SCMH1: variants seen among roughly 807,000 people sequenced by gnomAD.
The protein encoded by SCMH1 is polycomb protein SCMH1.
In SCMH1, 37 loss-of-function variants were observed where a neutral mutation model predicts 70.8. The ratio of observed to expected loss-of-function variants is 0.52; its 90% CI spans 0.40 to 0.69. SCMH1 has a LOEUF of 0.69. SCMH1 is among the 30% of genes least tolerant of loss of function. The probability of loss-of-function intolerance (pLI) is 0.00; values close to 1 mark genes in which losing one functional copy is unlikely to be tolerated. For synonymous variants in SCMH1, 292 were observed against 307.4 expected (o/e 0.95, Z 0.52); for missense variants, 607 against 827.3 (o/e 0.73, Z 3.27).
At chr1:41,027,969 AG>A in exon 15 of SCMH1, 1 of 563,808 alleles carries the variant, frequency 1.8e-6, no homozygotes, top group Non-Finnish European at 3.1e-6. Context: ...GGCAGAGCTG[AG>A]GGAAGAGCAG....
At chr1:41,073,963 A>G (rs940395945) in intron 9 of SCMH1, among the ~76,000 whole-genome samples, 3 of 152,238 alleles carry the variant, frequency 2.0e-5, no homozygotes, top group East Asian at 1.9e-4. Flanking sequence ...ACTGGAACTC[A>G]GGTATTCTTG....
At chr1:41,208,439 A>AAT (rs975080792) in intron 1 of SCMH1, among the ~76,000 whole-genome samples, 1 of 132,678 alleles carries the variant, frequency 7.5e-6, no homozygotes, top group Non-Finnish European at 1.8e-5. Flanking sequence ...AAAAATTAAA[A>AAT]AAAAAAAATA....
intron 8 of SCMH1, among the ~76,000 whole-genome samples, chr1:41,104,345 C>T (rs1028472484): frequency 4.6e-5 from 7 of 151,998 alleles, no homozygotes; most frequent in Admixed American, 2.6e-4. Flanking sequence ...TATATGCATA[C>T]GTGTGTTTAT....
chr1:41,209,309 C>T (rs1656417574), intron 1 of SCMH1, among the ~76,000 whole-genome samples: 1 of 152,194 alleles, frequency 6.6e-6, no homozygotes, highest in African/African-American at 2.4e-5. Context: ...TGGTACCATT[C>T]CTTCTGAAAC....
At chr1:41,079,094 A>G (rs1042567245) in intron 8 of SCMH1, among the ~76,000 whole-genome samples, 7 of 152,318 alleles carry the variant, frequency 4.6e-5, no homozygotes, top group Middle Eastern at 3.4e-3. Flanking sequence ...TGCATACGGC[A>G]ATTAATTAAA....
chr1:41,150,012 T>C (rs563225408), intron 5 of SCMH1, among the ~76,000 whole-genome samples: 188 of 152,296 alleles, frequency 1.2e-3, no homozygotes, highest in African/African-American at 4.4e-3. Flanking sequence ...CACCTTGGTT[T>C]CTCTGGACTC....
chr1:41,114,337 CA>C (rs1340646388), intron 7 of SCMH1, among the ~76,000 whole-genome samples: 2 of 152,092 alleles, frequency 1.3e-5, no homozygotes, highest in Non-Finnish European at 2.9e-5. Flanking sequence ...GATCAAGTTT[CA>C]AAAAATGTGT....
chr1:41,184,103 T>A (rs1278569385), intron 2 of SCMH1, among the ~76,000 whole-genome samples: 1 of 152,230 alleles, frequency 6.6e-6, no homozygotes, highest in East Asian at 1.9e-4. Context: ...TTCTGTGTTA[T>A]GTATACTTCT....
rs978109629 is a variant in SCMH1 at position 41,080,273 on chromosome 1, G to A, written c.746-4822C>T. ...CAAAGAAAATCCCAGGCCTAAACTG[G>A]CTTCACTGATGAATTCTAGCAAATA... On this transcript the variant is annotated intron_variant, in intron 8 of 14. Coordinates refer to ENST00000337495, the Ensembl canonical transcript of SCMH1. 2.0e-5 allele frequency among the ~76,000 whole-genome samples: 3 copies of A among 152,108 alleles called. No homozygotes were observed. In the East Asian group the frequency reaches 5.8e-4, roughly 29 times the overall value.
intron 6 of SCMH1, among the ~76,000 whole-genome samples, chr1:41,139,373 A>AT (rs1557619419): frequency 1.3e-5 from 2 of 152,040 alleles, no homozygotes; most frequent in Admixed American, 6.6e-5. Context: ...CTGGTTTCAG[A>AT]TCTTTATATC....
intron 2 of SCMH1, among the ~76,000 whole-genome samples, chr1:41,175,797 C>G (rs1159582643): frequency 1.3e-5 from 2 of 152,136 alleles, no homozygotes; most frequent in Non-Finnish European, 1.5e-5. Context: ...TTTTACATCC[C>G]CTGTCTTTCT....
intron 13 of SCMH1, 114 bp from the exon 15 acceptor site, chr1:41,028,840 CGAT>C (rs1644105713): frequency 8.6e-7 from 1 of 1,157,830 alleles, no homozygotes; most frequent in African/African-American, 1.5e-5. Context: ...TAGTGCCAGA[CGAT>C]GAGCTGAGGA....
rs566924160 is a variant in SCMH1, at chr1:41,136,871, G to GGGT, written c.412+6004_412+6006dup. Among the ~76,000 whole-genome samples the GGGT allele has an allele frequency of 2.9e-3, 438 of 148,706 alleles. 1 individual carries two copies. Among genetic ancestry groups the GGGT allele is most frequent in the African/African-American group, 0.01 (402 of 40,084 alleles). On this transcript the variant is annotated intron_variant, in intron 6 of 14. Coordinates refer to ENST00000337495, the Ensembl canonical transcript of SCMH1. ...TAACTCACTGTAACCTCAAACTCCT[G>GGGT]GGTGCAAGCAATCCTTCTGCTTCAG...
chr1:41,081,526 A>G (rs1483196343), intron 8 of SCMH1, among the ~76,000 whole-genome samples: 6 of 152,232 alleles, frequency 3.9e-5, no homozygotes, highest in African/African-American at 1.4e-4. Flanking sequence ...TAATTGACAC[A>G]TATATTATTT....
At chr1:41,209,165 G>A in intron 1 of SCMH1, among the ~76,000 whole-genome samples, 1 of 152,142 alleles carries the variant, frequency 6.6e-6, no homozygotes, top group African/African-American at 2.4e-5. Context: ...GACTAAACCA[G>A]GAAGAAGTTG....
At chr1:41,028,704 G>A (rs759332224) in exon 14 of SCMH1, 1 of 1,614,106 alleles carries the variant, frequency 6.2e-7, no homozygotes, top group Non-Finnish European at 8.5e-7. Context: ...AGGCATCGCG[G>A]CTCTCCAGGT....
chr1:41,032,237 C>G (rs1026925327), intron 13 of SCMH1, among the ~76,000 whole-genome samples: 1 of 152,144 alleles, frequency 6.6e-6, no homozygotes, highest in Non-Finnish European at 1.5e-5. Context: ...ATATTTAATA[C>G]TACTATATAT....
intron 6 of SCMH1, among the ~76,000 whole-genome samples, chr1:41,125,784 C>G (rs1278915160): frequency 2.0e-5 from 3 of 151,882 alleles, no homozygotes; most frequent in Admixed American, 6.6e-5. Flanking sequence ...GCCATGTTGC[C>G]CAGGCTGGTC....
chr1:41,210,569 C>A (rs192164608), intron 1 of SCMH1, among the ~76,000 whole-genome samples: 2 of 152,142 alleles, frequency 1.3e-5, no homozygotes, highest in African/African-American at 4.8e-5. Flanking sequence ...CTACAACCAT[C>A]TGATCTTTTG....
Sources: gnomAD v4.1 joint callset for allele counts (sites outside exome capture counted in the v4.1 genomes callset) on GRCh38, gnomAD v4.1.1 for gene constraint, MANE v1.5 for transcripts, NCBI Gene and HGNC (gene_info 2026-07-23, HGNC 2026-07-21) for gene names.